Variants in ZMAT1 observed in about 807,000 individuals in gnomAD.
The protein encoded by ZMAT1 is zinc finger matrin-type 1.
Under a neutral mutation model 18.5 loss-of-function variants are expected in ZMAT1, and 11 were observed. That is an observed-to-expected ratio of 0.59 (90% CI 0.37 to 0.98). ZMAT1 has a LOEUF of 0.98. Ranked by LOEUF, ZMAT1 falls within the 50% of genes least tolerant of loss-of-function variation. ZMAT1 has a pLI of 0.01. For synonymous variants in ZMAT1, 211 were observed against 176.4 expected, an observed-to-expected ratio of 1.20 and a Z score of -1.55; for missense variants, 525 against 496.2, an observed-to-expected ratio of 1.06 and a Z score of -0.55.
At position 101,931,470 on chromosome X, in the gene ZMAT1, A is replaced by C. The variant is rs113466108; in HGVS notation, c.292+247T>G. 0.015 allele frequency: 11,641 copies of C among 751,425 alleles called. 627 individuals carry two copies. The African/African-American group carries it at 0.2, about 13-fold the overall frequency. The allele number at this position is 751,425 out of a possible 1,213,427, so 61.9% of individuals were successfully genotyped here. A position where few individuals can be genotyped will look rare whatever the true frequency, so the allele number is the denominator to read the frequency against. ...AAACTCCTGCCTCATGAGTACCTGCAATTCTTTTGCCTGGGGGCCCCCATC... is the reference window on the plus strand; with the variant it reads ...AAACTCCTGCCTCATGAGTACCTGCCATTCTTTTGCCTGGGGGCCCCCATC... On this transcript the variant is annotated intron_variant, in intron 1 of 5. Coordinates refer to ENST00000651725, the MANE Select transcript of ZMAT1 (RefSeq NM_001394560.1).
At chrX:101,911,868 C>A in intron 1 of ZMAT1, 1 of 1,206,561 alleles carries the variant, frequency 8.3e-7, no homozygotes, top group Non-Finnish European at 1.1e-6. Flanking sequence ...AGCCACAGCT[C>A]CTTGCTCAGC....
intron 4 of ZMAT1, chrX:101,892,778 C>A: frequency 1.4e-6 from 1 of 728,953 alleles, no homozygotes; most frequent in Non-Finnish European, 1.6e-6. Context: ...ATGAAGAAAG[C>A]AGTGAGAATG....
chrX:101,899,898 C>T (rs749634301), intron 2 of ZMAT1, among the ~76,000 whole-genome samples: 3 of 111,840 alleles, frequency 2.7e-5, no homozygotes, highest in African/African-American at 6.5e-5. Context: ...CCATAGTGGC[C>T]GTACTAGTTT....
chrX:101,925,564 C>T (rs1417994345), intron 1 of ZMAT1, among the ~76,000 whole-genome samples: 2 of 111,942 alleles, frequency 1.8e-5, no homozygotes, highest in African/African-American at 3.2e-5. Flanking sequence ...CACTATGGAC[C>T]GTTTTTTATT....
chrX:101,909,029 G>A lies in ZMAT1; in HGVS notation c.293-4699C>T, dbSNP rs371348306. 2.6e-4 allele frequency among the ~76,000 whole-genome samples: 28 copies of A among 108,474 alleles called. 3 individuals carry two copies. The highest frequency in any genetic ancestry group is 2.1e-3 in the East Asian group (7 of 3,389). The allele number at this position is 108,474 out of a possible 115,157, so 94.2% of individuals were successfully genotyped here. ...GACCTCTTCCTTCTGCTTGAGGAGA[G>A]GAGAGGTAAGAGAGGAGAGGACTTT... On this transcript the variant is annotated intron_variant, in intron 1 of 5. Transcript: ENST00000651725.
intron 5 of ZMAT1, among the ~76,000 whole-genome samples, chrX:101,885,661 T>C (rs1457796788): frequency 2.7e-5 from 3 of 111,672 alleles, no homozygotes; most frequent in Non-Finnish European, 5.7e-5. Flanking sequence ...AAAGAATATG[T>C]CTTGATTTTA....
At chrX:101,919,818 G>A (rs2147667996) in intron 1 of ZMAT1, among the ~76,000 whole-genome samples, 1 of 111,156 alleles carries the variant, frequency 9.0e-6, no homozygotes, top group South Asian at 3.8e-4. Flanking sequence ...AGTCATGATG[G>A]GCTTCACAAG....
At chrX:101,925,972 G>A (rs1602353435) in intron 1 of ZMAT1, among the ~76,000 whole-genome samples, 1 of 112,252 alleles carries the variant, frequency 8.9e-6, no homozygotes, top group African/African-American at 3.2e-5. Flanking sequence ...AGGCAAAACT[G>A]CCTCCAGTTT....
chrX:101,930,003 C>T (rs1440060431), intron 1 of ZMAT1, among the ~76,000 whole-genome samples: 2 of 112,031 alleles, frequency 1.8e-5, no homozygotes, highest in Non-Finnish European at 3.8e-5. Context: ...CATCACACTC[C>T]TATGCCAGGG....
At chrX:101,891,940 G>A (rs1246941979) in intron 4 of ZMAT1, among the ~76,000 whole-genome samples, 1 of 110,696 alleles carries the variant, frequency 9.0e-6, no homozygotes, top group Admixed American at 9.7e-5. Flanking sequence ...GGAGAATGTA[G>A]GAGTTAAAGG....
chrX:101,920,022 C>A (rs1310712857), intron 1 of ZMAT1, among the ~76,000 whole-genome samples: 2 of 96,667 alleles, frequency 2.1e-5, no homozygotes, highest in Non-Finnish European at 4.1e-5. Context: ...ATGAATACAA[C>A]AATCCTTTAG....
chrX:101,918,477 C>CAT lies in ZMAT1; in HGVS notation c.292+13239_292+13240insAT, dbSNP rs1929493599. On this transcript the variant is annotated intron_variant, in intron 1 of 5. Transcript: ENST00000651725. ...ACACACACACACACACACACACACA[C>CAT]ACACACAAAAATTAGCTGGGCGTGG... The CAT allele has an allele frequency of 2.8e-5, 3 of 107,544 alleles. No individual in the cohort carries two copies. In the Admixed American group the frequency reaches 3.0e-4, roughly 11 times the overall value. 8.9% of individuals were successfully genotyped at this position (107,544 alleles called of 1,213,427 possible). A position where few individuals can be genotyped will look rare whatever the true frequency, so the allele number is the denominator to read the frequency against.
chrX:101,925,855 A>G (rs1183878445), intron 1 of ZMAT1, among the ~76,000 whole-genome samples: 1 of 112,357 alleles, frequency 8.9e-6, no homozygotes, highest in Non-Finnish European at 1.9e-5. Context: ...TGTCCTACGC[A>G]TTATAGGATA....
chrX:101,901,206 TGGA>T (rs1413761837), intron 2 of ZMAT1, among the ~76,000 whole-genome samples: 1 of 111,523 alleles, frequency 9.0e-6, no homozygotes, highest in African/African-American at 3.3e-5. Flanking sequence ...AGGGGCTTTC[TGGA>T]GGAGTCTTTA....
rs189604317 is a variant in ZMAT1, at chrX:101,909,670, G to A, written c.293-5340C>T. On this transcript the variant is annotated intron_variant, in intron 1 of 5. Coordinates refer to ENST00000651725, the MANE Select transcript of ZMAT1 (RefSeq NM_001394560.1). ...GTGGCCAGGGGTGGCCGTGGCTATG[G>A]GGTGAGGCTACTCTGCCTTTGGAAA... 3.5e-5 allele frequency among the ~76,000 whole-genome samples: 4 copies of A among 112,708 alleles called. No homozygotes were observed. The East Asian group carries it at 1.1e-3, about 32-fold the overall frequency.
At position 101,884,327 on chromosome X, in the gene ZMAT1, G is replaced by A; in HGVS notation, c.1271C>T (p.Pro424Leu). ...GCTTTCCACTGGTGAAATATGGTAT[G>A]GTCGTTGGTAGGTCTGGGAAGCCTC... ...SHEASQTYQRPYHISPVESQL... is the reference protein window; with the variant it reads ...SHEASQTYQRLYHISPVESQL... The change falls in exon 6 of 6, where the codon CCA (proline) becomes CTA (leucine). Residue 424 changes from proline (P) to leucine (L), a missense_variant. Physicochemically the swap from Pro to Leu is moderately conservative, Grantham distance 98. Transcript: ENST00000651725. The A allele has an allele frequency of 1.7e-6, 2 of 1,210,895 alleles. No homozygotes were observed. Among genetic ancestry groups the A allele is most frequent in the Non-Finnish European group, 2.2e-6 (2 of 895,146 alleles).
chrX:101,908,469 C>T lies in ZMAT1; in HGVS notation c.293-4139G>A, dbSNP rs1928750428. The stretch of plus-strand genomic sequence containing the variant: ...AAAATCAGGTGAGAGCTCAAAGCAC[C>T]CAATTTTAACTTCAGATCACTGAAA... On this transcript the variant is annotated intron_variant, in intron 1 of 5. Coordinates refer to ENST00000651725, the MANE Select transcript of ZMAT1 (RefSeq NM_001394560.1). 2.7e-5 allele frequency among the ~76,000 whole-genome samples: 3 copies of T among 111,173 alleles called. No individual in the cohort carries two copies. The Admixed American group carries it at 2.9e-4, about 11-fold the overall frequency.
intron 1 of ZMAT1, among the ~76,000 whole-genome samples, chrX:101,908,346 G>A (rs1254248767): frequency 9.0e-6 from 1 of 111,673 alleles, no homozygotes; most frequent in Non-Finnish European, 1.9e-5. Flanking sequence ...GGCAAAGCAA[G>A]ATGGCAGAAC....
rs1384373022 is a variant in ZMAT1 at position 101,883,012 on chromosome X, T to G, written c.*498A>C. ...TTAAGTTCTTGTGTTCTCATGTTAGTGTTGTTCAGAGGCTAGGTTTAGGCT... is the reference window on the plus strand; with the variant it reads ...TTAAGTTCTTGTGTTCTCATGTTAGGGTTGTTCAGAGGCTAGGTTTAGGCT... On this transcript the variant is annotated 3_prime_UTR_variant, in exon 6 of 6. Transcript: ENST00000651725. The G allele has an allele frequency of 1.8e-5, 2 of 111,274 alleles. No individual in the cohort carries two copies. Among genetic ancestry groups the G allele is most frequent in the Non-Finnish European group, 3.8e-5 (2 of 52,980 alleles). The allele number at this position is 111,274 out of a possible 1,213,427, so 9.2% of individuals were successfully genotyped here.
Sources: gnomAD v4.1 joint callset for allele counts (sites outside exome capture counted in the v4.1 genomes callset) on GRCh38, gnomAD v4.1.1 for gene constraint, MANE v1.5 for transcripts, NCBI Gene and HGNC (gene_info 2026-07-23, HGNC 2026-07-21) for gene names.